The following SH3RF3 variants were observed in gnomAD, a reference collection of about 807,000 sequenced individuals.
SH3RF3 encodes E3 ubiquitin-protein ligase SH3RF3.
SH3RF3 carries 29 observed loss-of-function variants against 66.3 expected under a neutral mutation model. The ratio of observed to expected loss-of-function variants is 0.44; its 90% CI spans 0.33 to 0.60. The LOEUF (loss-of-function observed/expected upper bound fraction) is 0.60. Ranked by LOEUF, SH3RF3 falls within the 20% of genes least tolerant of loss-of-function variation. The pLI is 0.04. For synonymous variants in SH3RF3, 583 were observed against 532.0 expected (o/e 1.10, Z -1.32); for missense variants, 1,194 against 1,190.9 (o/e 1.00, Z -0.04).
chr2:109,189,786 C>G (rs1249872050), intron 1 of SH3RF3, among the ~76,000 whole-genome samples: 1 of 152,140 alleles, frequency 6.6e-6, no homozygotes, highest in Non-Finnish European at 1.5e-5. Flanking sequence ...TTACAAGTTC[C>G]CCAACAGTGA....
intron 1 of SH3RF3, among the ~76,000 whole-genome samples, chr2:109,219,286 T>C (rs1057474111): frequency 8.6e-5 from 12 of 139,764 alleles, no homozygotes; most frequent in African/African-American, 3.3e-4. Flanking sequence ...CTCAGTATTA[T>C]TTCCAAAACA....
chr2:109,158,274 C>G (rs1440479907), intron 1 of SH3RF3, among the ~76,000 whole-genome samples: 1 of 152,172 alleles, frequency 6.6e-6, no homozygotes, highest in African/African-American at 2.4e-5. Context: ...CCTCCAGGCT[C>G]CCGGTTGCCA....
At chr2:109,373,320 C>A (rs1010309729) in intron 3 of SH3RF3, among the ~76,000 whole-genome samples, 4 of 152,194 alleles carry the variant, frequency 2.6e-5, no homozygotes, top group Non-Finnish European at 1.5e-5. Context: ...CTTTTTTCTC[C>A]AGGCAGAATC....
Position 109,129,767 on chromosome 2 carries a change from C to G in SH3RF3, c.227C>G (p.Thr76Ser). ...GCCAAGGTGCTGCCATGCCAACACA[C>G]TTTCTGCCGCCGCTGCCTGGAGAGC... is the stretch of plus-strand genomic sequence containing the variant. ...TTAKVLPCQH[T>S]FCRRCLESIV... Residue 76 changes from threonine to serine, a missense_variant, in exon 1 of 10, where the codon ACT becomes AGT. Physicochemically the swap from Thr to Ser is moderately conservative, Grantham distance 58. Transcript: ENST00000309415. The G allele has an allele frequency of 6.5e-7, 1 of 1,539,488 alleles. No homozygotes were observed. The highest frequency in any genetic ancestry group is 2.5e-5 in the East Asian group (1 of 40,634).
chr2:109,255,638 G>A lies in SH3RF3; in HGVS notation c.574-92036G>A, dbSNP rs892070040. Among the ~76,000 whole-genome samples the A allele has an allele frequency of 2.6e-5, 4 of 152,232 alleles. No individual in the cohort carries two copies. In the East Asian group the frequency reaches 7.7e-4, roughly 29 times the overall value. Reference sequence around the variant, plus strand: ...GGAATTTGAACACCTTTTGAGAACTGTTGGGAACAACCTTCTCAGTTAAGT... The same window carrying A: ...GGAATTTGAACACCTTTTGAGAACTATTGGGAACAACCTTCTCAGTTAAGT... On this transcript the variant is annotated intron_variant, in intron 1 of 9. Coordinates refer to ENST00000309415, the MANE Select transcript of SH3RF3 (RefSeq NM_001099289.3).
At chr2:109,232,225 C>T (rs1478485426) in intron 1 of SH3RF3, among the ~76,000 whole-genome samples, 2 of 152,328 alleles carry the variant, frequency 1.3e-5, no homozygotes, top group East Asian at 3.9e-4. Flanking sequence ...GCATCACTAC[C>T]ACCCAACAAC....
chr2:109,353,009 C>T (rs998097596), intron 2 of SH3RF3, among the ~76,000 whole-genome samples: 14 of 152,260 alleles, frequency 9.2e-5, no homozygotes, highest in African/African-American at 2.7e-4. Context: ...GCAGTCCTGG[C>T]CCTGGCCGCT....
chr2:109,344,471 C>T (rs1192197349), intron 1 of SH3RF3, among the ~76,000 whole-genome samples: 1 of 152,196 alleles, frequency 6.6e-6, no homozygotes, highest in Non-Finnish European at 1.5e-5. Context: ...TATGCTGAGG[C>T]CAGCGTAGGG....
intron 1 of SH3RF3, among the ~76,000 whole-genome samples, chr2:109,311,931 A>T (rs1239025583): frequency 6.6e-6 from 1 of 152,154 alleles, no homozygotes; most frequent in Non-Finnish European, 1.5e-5. Flanking sequence ...GATGAGATGG[A>T]GTCACAGATT....
chr2:109,345,141 T>A (rs1254975748), intron 1 of SH3RF3, among the ~76,000 whole-genome samples: 1 of 152,178 alleles, frequency 6.6e-6, no homozygotes, highest in African/African-American at 2.4e-5. Flanking sequence ...CCAGGCTGCC[T>A]GGTGGAAGAT....
chr2:109,132,592 A>G (rs1676724442), intron 1 of SH3RF3, among the ~76,000 whole-genome samples: 3 of 152,212 alleles, frequency 2.0e-5, no homozygotes, highest in African/African-American at 7.2e-5. Flanking sequence ...GCCTAAGATC[A>G]GGAGTTGGTC....
At chr2:109,451,607 AC>A (rs1435457546) in intron 8 of SH3RF3, among the ~76,000 whole-genome samples, 2 of 152,268 alleles carry the variant, frequency 1.3e-5, no homozygotes, top group Non-Finnish European at 2.9e-5. Context: ...GCTAATGAAC[AC>A]CAGCTGAGTC....
At chr2:109,348,333 C>T (rs1464364696) in intron 2 of SH3RF3, among the ~76,000 whole-genome samples, 7 of 152,164 alleles carry the variant, frequency 4.6e-5, no homozygotes, top group Non-Finnish European at 8.8e-5. Context: ...GAGAGGGGCT[C>T]ATCAGGGGAA....
chr2:109,458,258 T>G (rs1329719693), intron 8 of SH3RF3, among the ~76,000 whole-genome samples: 2 of 152,178 alleles, frequency 1.3e-5, no homozygotes, highest in Admixed American at 1.3e-4. Context: ...TGAAACTCAT[T>G]AATCTTTTCA....
At chr2:109,472,101 A>T (rs1678531650) in intron 8 of SH3RF3, among the ~76,000 whole-genome samples, 1 of 152,240 alleles carries the variant, frequency 6.6e-6, no homozygotes, top group African/African-American at 2.4e-5. Flanking sequence ...TATTAATTAG[A>T]TTGTTAATTA....
chr2:109,190,262 CTCGCGGGT>C (rs1678313596), intron 1 of SH3RF3, among the ~76,000 whole-genome samples: 1 of 152,198 alleles, frequency 6.6e-6, no homozygotes, highest in Admixed American at 6.5e-5. Context: ...CAACCTCCGC[CTCGCGGGT>C]TCAAGTGATT....
At chr2:109,303,612 C>T (rs931457308) in intron 1 of SH3RF3, among the ~76,000 whole-genome samples, 8 of 152,242 alleles carry the variant, frequency 5.3e-5, no homozygotes, top group African/African-American at 1.7e-4. Flanking sequence ...CACGGGCTGG[C>T]GAGACAAAGT....
chr2:109,445,916 C>T (rs866875777), intron 7 of SH3RF3, among the ~76,000 whole-genome samples: 1 of 152,106 alleles, frequency 6.6e-6, no homozygotes, highest in Non-Finnish European at 1.5e-5. Flanking sequence ...ATAGAATGAA[C>T]TGAGTGAGGG....
intron 1 of SH3RF3, among the ~76,000 whole-genome samples, chr2:109,272,304 C>T (rs1680645947): frequency 6.6e-6 from 1 of 152,240 alleles, no homozygotes; most frequent in Non-Finnish European, 1.5e-5. Context: ...CTGATGGCTA[C>T]ACATCCCCTG....
Sources: allele counts gnomAD v4.1 joint callset (sites outside exome capture counted in the v4.1 genomes callset), GRCh38; gene constraint gnomAD v4.1.1; transcripts MANE v1.5; gene names NCBI Gene and HGNC (gene_info 2026-07-23, HGNC 2026-07-21).